The following MYH10 variants were observed in gnomAD, a reference collection of about 807,000 sequenced individuals.
The protein encoded by MYH10 is myosin-10.
In MYH10, 55 loss-of-function variants were observed where a neutral mutation model predicts 257.8. The observed-to-expected ratio is 0.21, with a 90% CI of 0.17 to 0.27. The LOEUF (loss-of-function observed/expected upper bound fraction) is 0.27. MYH10 is among the 10% of genes least tolerant of loss of function. MYH10 has a pLI of 1.00. For synonymous variants in MYH10, 854 were observed against 921.7 expected, an observed-to-expected ratio of 0.93 and a Z score of 1.33; for missense variants, 1,631 against 2,500.6, an observed-to-expected ratio of 0.65 and a Z score of 7.42.
At position 8,580,992 on chromosome 17, in the gene MYH10, T is replaced by C. The variant is rs77551034; in HGVS notation, c.531-3654A>G. Reference sequence around the variant, plus strand: ...AGGCTCTTGAAAGATGAGCAAGAACTGGCAAGTGAAGAGCTGGGGAATGTG... The same window carrying C: ...AGGCTCTTGAAAGATGAGCAAGAACCGGCAAGTGAAGAGCTGGGGAATGTG... On this transcript the variant is annotated intron_variant, in intron 4 of 42. Coordinates refer to ENST00000360416, the MANE Select transcript of MYH10 (RefSeq NM_001256012.3). Among the ~76,000 whole-genome samples the C allele has an allele frequency of 2.0e-3, 303 of 152,228 alleles. 2 individuals carry two copies. The East Asian group carries it at 0.041, about 21-fold the overall frequency.
chr17:8,612,598 C>T (rs549008138), intron 2 of MYH10, among the ~76,000 whole-genome samples: 6 of 152,218 alleles, frequency 3.9e-5, no homozygotes, highest in African/African-American at 7.2e-5. Flanking sequence ...CACCTGTAAT[C>T]GCAGCACTTT....
chr17:8,596,603 C>T (rs1597929453), intron 3 of MYH10, among the ~76,000 whole-genome samples: 1 of 144,690 alleles, frequency 6.9e-6, no homozygotes, highest in East Asian at 2.0e-4. Context: ...TGTGTAGCAA[C>T]CTTATTCTTA....
In MYH10 at chr17:8,516,861, G is replaced by A. The variant is rs532020448; in HGVS notation, c.2504+1770C>T. On this transcript the variant is annotated intron_variant, in intron 21 of 42. Transcript: ENST00000360416. The stretch of plus-strand genomic sequence containing the variant: ...AATATTAGTATATAAAAACCCGGCC[G>A]GGCACAGTGGCTCACGCCTGTAATC... 7.2e-5 allele frequency among the ~76,000 whole-genome samples: 11 copies of A among 152,154 alleles called. No homozygotes were observed. In the South Asian group the frequency reaches 1.5e-3, roughly 20 times the overall value.
At chr17:8,479,878 C>T (rs988488776) in intron 40 of MYH10, among the ~76,000 whole-genome samples, 2 of 152,138 alleles carry the variant, frequency 1.3e-5, no homozygotes, top group African/African-American at 4.8e-5. Flanking sequence ...AATCACGGGG[C>T]GCCGTCCTAA....
At chr17:8,615,973 AAAGC>A (rs1256331483) in intron 2 of MYH10, among the ~76,000 whole-genome samples, 1 of 152,246 alleles carries the variant, frequency 6.6e-6, no homozygotes, top group African/African-American at 2.4e-5. Flanking sequence ...ACAGTGCAAT[AAAGC>A]AAGTAAAAGA....
Position 8,535,972 on chromosome 17 carries a change from C to T in MYH10, c.1606-41G>A, listed in dbSNP as rs745986316. On this transcript the variant is annotated intron_variant, in intron 14 of 42. Coordinates refer to ENST00000360416, the MANE Select transcript of MYH10 (RefSeq NM_001256012.3). The surrounding 1 kb of genome is among the most constrained non-coding windows in gnomAD (Gnocchi z 4.3). ...AATAAGAATTCACAAGTTTTGCATG[C>T]CACTTTAATACTACTGAGTCTGGCA... 6.3e-7 allele frequency: 1 copy of T among 1,577,902 alleles called. No homozygotes were observed. Among genetic ancestry groups the T allele is most frequent in the African/African-American group, 1.4e-5 (1 of 73,758 alleles).
At chr17:8,592,403 G>A (rs2084181174) in intron 3 of MYH10, among the ~76,000 whole-genome samples, 1 of 152,008 alleles carries the variant, frequency 6.6e-6, no homozygotes, top group African/African-American at 2.4e-5. Flanking sequence ...ACCTCTAGCT[G>A]AAGTAATCAG....
intron 25 of MYH10, among the ~76,000 whole-genome samples, 192 bp downstream of exon 25, chr17:8,509,620 G>A (rs376457924): frequency 6.6e-6 from 1 of 152,156 alleles, no homozygotes; most frequent in Admixed American, 6.5e-5. Flanking sequence ...ATTTGATAAG[G>A]TTTAAAAAAT....
chr17:8,491,307 G>A (rs1915741338), intron 34 of MYH10, among the ~76,000 whole-genome samples: 1 of 152,256 alleles, frequency 6.6e-6, no homozygotes, highest in Non-Finnish European at 1.5e-5. Flanking sequence ...CAACATGTGA[G>A]TGTTGATGCT....
chr17:8,613,648 A>T (rs1693880119), intron 2 of MYH10, among the ~76,000 whole-genome samples: 1 of 152,246 alleles, frequency 6.6e-6, no homozygotes, highest in African/African-American at 2.4e-5. Flanking sequence ...GGACAAAAAG[A>T]TTAAAAAATA....
intron 2 of MYH10, among the ~76,000 whole-genome samples, chr17:8,621,229 A>C (rs1318500758): frequency 6.6e-6 from 1 of 152,144 alleles, no homozygotes; most frequent in Non-Finnish European, 1.5e-5. Context: ...GAAACTGATC[A>C]ACCTCTCAAA....
intron 17 of MYH10, among the ~76,000 whole-genome samples, chr17:8,523,294 T>C (rs2081719935): frequency 1.3e-5 from 2 of 152,240 alleles, no homozygotes; most frequent in South Asian, 4.1e-4. Context: ...GCATCCCTGC[T>C]CCCTGCATGA....
chr17:8,581,735 TA>T (rs1172645317), intron 4 of MYH10, among the ~76,000 whole-genome samples: 2 of 152,194 alleles, frequency 1.3e-5, no homozygotes, highest in African/African-American at 4.8e-5. Context: ...AACTAAAGCA[TA>T]TAGATGACAT....
chr17:8,611,716 G>A (rs112190001), intron 2 of MYH10, among the ~76,000 whole-genome samples: 1 of 152,288 alleles, frequency 6.6e-6, no homozygotes, highest in East Asian at 1.9e-4. Context: ...GATCCATGGG[G>A]GAAAAACAAG....
chr17:8,490,641 G>A lies in MYH10; in HGVS notation c.4672-89C>T. The A allele has an allele frequency of 1.5e-6, 2 of 1,350,086 alleles. No homozygotes were observed. Among genetic ancestry groups the A allele is most frequent in the Non-Finnish European group, 2.1e-6 (2 of 952,466 alleles). The allele number at this position is 1,350,086 out of a possible 1,614,324, so 83.6% of individuals were successfully genotyped here. ...CTTACTGTTTTACAGGCCCACTCGTGGCATGCTGGCCACTTTGGTCCCCCT... is the reference window on the plus strand; with the variant it reads ...CTTACTGTTTTACAGGCCCACTCGTAGCATGCTGGCCACTTTGGTCCCCCT... On this transcript the variant is annotated intron_variant, in intron 34 of 42. Coordinates refer to ENST00000360416, the MANE Select transcript of MYH10 (RefSeq NM_001256012.3). This position sits in a 1 kb window ranked among gnomAD's most constrained non-coding sequence, Gnocchi z 4.1.
At chr17:8,589,010 C>T (rs2084019496) in intron 4 of MYH10, 71 bp downstream of exon 4, 1 of 1,470,220 alleles carries the variant, frequency 6.8e-7, no homozygotes, top group Admixed American at 1.7e-5. Context: ...CTCCCCTCCC[C>T]CCAGACAAAA....
At chr17:8,544,472 C>T (rs983316243) in intron 13 of MYH10, among the ~76,000 whole-genome samples, 1 of 151,940 alleles carries the variant, frequency 6.6e-6, no homozygotes, top group Non-Finnish European at 1.5e-5. Context: ...GCAATTTGTA[C>T]CCAGCCACTT....
At chr17:8,478,309 G>A (rs1335970745) in intron 41 of MYH10, 29 bp downstream of exon 41, 3 of 1,582,924 alleles carry the variant, frequency 1.9e-6, no homozygotes, top group East Asian at 2.2e-5. Flanking sequence ...TTGCTCACGC[G>A]CTTCCCAGGG....
At chr17:8,593,802 G>T (rs368117) in intron 3 of MYH10, among the ~76,000 whole-genome samples, 104,508 of 152,000 alleles carry the variant, frequency 0.69, 35,988 homozygotes, top group East Asian at 0.77. Flanking sequence ...ATGTTAGCAG[G>T]ATATTTTGGG....
Sources: allele counts gnomAD v4.1 joint callset (sites outside exome capture counted in the v4.1 genomes callset), GRCh38; gene constraint gnomAD v4.1.1; non-coding constraint Gnocchi (gnomAD v3.1); transcripts MANE v1.5; gene names NCBI Gene and HGNC (gene_info 2026-07-23, HGNC 2026-07-21).